The following PTPRO variants were observed in gnomAD, a reference collection of about 807,000 sequenced individuals.
PTPRO encodes the protein receptor-type tyrosine-protein phosphatase O.
A neutral mutation model predicts 145.2 loss-of-function variants in PTPRO; 62 were observed. That is an observed-to-expected ratio of 0.43 (90% CI 0.35 to 0.53). The LOEUF (loss-of-function observed/expected upper bound fraction) is 0.53, where lower values mean the gene tolerates loss of function less well. PTPRO is among the 20% of genes least tolerant of loss of function. PTPRO has a pLI of 0.01. For synonymous variants in PTPRO, 565 were observed against 514.7 expected (o/e 1.10, Z -1.32); for missense variants, 1,345 against 1,482.7 (o/e 0.91, Z 1.53).
chr12:15,565,770 T>C, intron 18 of PTPRO, 142 bp downstream of exon 18: 2 of 620,740 alleles, frequency 3.2e-6, no homozygotes, highest in Non-Finnish European at 2.9e-6. Context: ...CACAATAATG[T>C]ACTGGTTGTT....
At chr12:15,380,982 T>C (rs1938844042) in intron 1 of PTPRO, among the ~76,000 whole-genome samples, 1 of 152,178 alleles carries the variant, frequency 6.6e-6, no homozygotes, top group African/African-American at 2.4e-5. Flanking sequence ...GAAAGACTAA[T>C]TTGTAGTTTT....
At chr12:15,567,835 C>G (rs57791163) in intron 18 of PTPRO, among the ~76,000 whole-genome samples, 81 of 152,272 alleles carry the variant, frequency 5.3e-4, no homozygotes, top group African/African-American at 1.9e-3. Context: ...TGATGTTGGG[C>G]TACTCACTTA....
chr12:15,499,629 A>C, intron 4 of PTPRO, 35 bp downstream of exon 4: 1 of 1,593,508 alleles, frequency 6.3e-7, no homozygotes, highest in South Asian at 1.1e-5. Context: ...CAGTGAAAAA[A>C]TAATTCAGTT....
chr12:15,417,314 G>A (rs190381134), intron 1 of PTPRO, among the ~76,000 whole-genome samples: 14 of 151,808 alleles, frequency 9.2e-5, no homozygotes, highest in African/African-American at 1.9e-4. Context: ...GTCAGGAACC[G>A]TCTGTATAAG....
At chr12:15,447,714 A>G (rs1375817765) in intron 1 of PTPRO, among the ~76,000 whole-genome samples, 1 of 151,726 alleles carries the variant, frequency 6.6e-6, no homozygotes, top group Admixed American at 6.6e-5. Flanking sequence ...AATTTTTAAG[A>G]GCCAAATTTG....
rs371217992 is a variant in PTPRO at position 15,529,467 on chromosome 12, TA to T, written c.2164+3220del. Reference sequence around the variant, plus strand: ...CAGGAATTCAAGACCTCATCTCTACTAAAAAAAAAAAAAAAGGAAAAAAAGA... The same window carrying T: ...CAGGAATTCAAGACCTCATCTCTACTAAAAAAAAAAAAAAGGAAAAAAAGA... On this transcript the variant is annotated intron_variant, in intron 12 of 26. Coordinates refer to ENST00000281171, the MANE Select transcript of PTPRO (RefSeq NM_030667.3). 8.8e-3 allele frequency among the ~76,000 whole-genome samples: 1,154 copies of T among 131,644 alleles called. 14 individuals are homozygous for T. Among genetic ancestry groups the T allele is most frequent in the African/African-American group, 0.024 (862 of 35,698 alleles). 86.4% of individuals were successfully genotyped at this position (131,644 alleles called of 152,430 possible).
chr12:15,407,760 C>T (rs1939687925), intron 1 of PTPRO, among the ~76,000 whole-genome samples: 1 of 152,108 alleles, frequency 6.6e-6, no homozygotes, highest in Admixed American at 6.5e-5. Context: ...AAAATGAAAA[C>T]TAGAAAGGAA....
intron 8 of PTPRO, among the ~76,000 whole-genome samples, chr12:15,515,987 GTTTTGTTTTTT>G (rs1350774637): frequency 2.5e-5 from 2 of 80,662 alleles, no homozygotes; most frequent in African/African-American, 5.4e-5. Context: ...TTTTTTTTTT[GTTTTGTTTTTT>G]TTTTTTTTTG....
In PTPRO at chr12:15,508,728, A is replaced by G; in HGVS notation, c.1425A>G (p.Gln475=). ...TGGTGTCGCTGACCTGCCAGAAACA[A>G]AAGGAGAGCCAGAGGCTTGAAAAGC... ...VSVVSLTCQK[Q]KESQRLEKQY... The change falls in exon 7 of 27, where the codon CAA becomes CAG. Residue 475 remains glutamine (Q), a synonymous_variant. Coordinates refer to ENST00000281171, the MANE Select transcript of PTPRO (RefSeq NM_030667.3). 1 of 1,614,146 alleles carries G rather than the reference A, an allele frequency of 6.2e-7. No homozygotes were observed. Among genetic ancestry groups the G allele is most frequent in the Non-Finnish European group, 8.5e-7 (1 of 1,180,010 alleles).
chr12:15,403,912 T>C (rs572107540), intron 1 of PTPRO, among the ~76,000 whole-genome samples: 124 of 152,004 alleles, frequency 8.2e-4, no homozygotes, highest in African/African-American at 2.8e-3. Context: ...AAAAGAGTGT[T>C]TAGGGCCAGG....
chr12:15,516,523 G>GAAAAT (rs771396595), intron 8 of PTPRO, among the ~76,000 whole-genome samples: 1 of 135,436 alleles, frequency 7.4e-6, no homozygotes. Flanking sequence ...GAAAGAAAAA[G>GAAAAT]AAAAGAAAAG....
At chr12:15,503,509 T>C (rs1053697574) in intron 5 of PTPRO, among the ~76,000 whole-genome samples, 1 of 152,204 alleles carries the variant, frequency 6.6e-6, no homozygotes, top group Non-Finnish European at 1.5e-5. Context: ...TGGTTAATAC[T>C]ACCACAAAGA....
At chr12:15,487,036 T>C (rs1941902573) in intron 2 of PTPRO, among the ~76,000 whole-genome samples, 1 of 152,076 alleles carries the variant, frequency 6.6e-6, no homozygotes, top group Non-Finnish European at 1.5e-5. Flanking sequence ...TCTCAGTGTT[T>C]CAGTTTCACC....
rs1280780164 is a variant in PTPRO, at chr12:15,551,624, G to T, written c.2511G>T (p.Leu837Phe). Reference sequence around the variant, plus strand: ...TTAGCACACTTTTAATTGGACTGTTGCTTGTTACCCTCATTATTCTTAGGA... The same window carrying T: ...TTAGCACACTTTTAATTGGACTGTTTCTTGTTACCCTCATTATTCTTAGGA... The part of the protein sequence containing the change: ...AILSTLLIGL[L>F]LVTLIILRKK... The change falls in exon 15 of 27, where the codon TTG becomes TTT. Residue 837 changes from leucine to phenylalanine, a missense_variant. By Grantham distance (22) the Leu-to-Phe change is conservative. Coordinates refer to ENST00000281171, the MANE Select transcript of PTPRO (RefSeq NM_030667.3). 1 of 1,613,554 alleles carries T rather than the reference G, an allele frequency of 6.2e-7. No homozygotes were observed. Among genetic ancestry groups the T allele is most frequent in the Admixed American group, 1.7e-5 (1 of 59,990 alleles).
intron 1 of PTPRO, among the ~76,000 whole-genome samples, chr12:15,328,209 A>G (rs1866502079): frequency 6.6e-6 from 1 of 151,904 alleles, no homozygotes; most frequent in Non-Finnish European, 1.5e-5. Flanking sequence ...TCCCTTTTCC[A>G]AGCTTGTTCT....
intron 16 of PTPRO, among the ~76,000 whole-genome samples, chr12:15,559,441 T>C (rs1943718323): frequency 6.6e-6 from 1 of 152,180 alleles, no homozygotes; most frequent in Admixed American, 6.6e-5. Context: ...TTAATGGGTG[T>C]TCTATTTGAC....
intron 1 of PTPRO, among the ~76,000 whole-genome samples, chr12:15,385,238 T>C (rs1468428986): frequency 6.6e-6 from 1 of 152,064 alleles, no homozygotes; most frequent in Admixed American, 6.6e-5. Flanking sequence ...ACCTTTAAAA[T>C]GAATGAATGA....
intron 10 of PTPRO, among the ~76,000 whole-genome samples, chr12:15,523,620 T>C (rs1474036567): frequency 1.3e-5 from 2 of 151,902 alleles, no homozygotes; most frequent in African/African-American, 2.4e-5. Flanking sequence ...ACAAAAAATA[T>C]AAAAATTAGC....
At chr12:15,487,421 G>A (rs1941912107) in intron 2 of PTPRO, among the ~76,000 whole-genome samples, 1 of 152,044 alleles carries the variant, frequency 6.6e-6, no homozygotes, top group Non-Finnish European at 1.5e-5. Flanking sequence ...TCAAAAGAAG[G>A]GATATTTTCC....
Sources: allele counts gnomAD v4.1 joint callset (sites outside exome capture counted in the v4.1 genomes callset), GRCh38; gene constraint gnomAD v4.1.1; transcripts MANE v1.5; gene names NCBI Gene and HGNC (gene_info 2026-07-23, HGNC 2026-07-21).